ENOX1: variants seen among roughly 807,000 people sequenced by gnomAD.
ENOX1 encodes candidate growth-related and time keeping constitutive hydroquinone (NADH) oxidase.
A neutral mutation model predicts 82.5 loss-of-function variants in ENOX1; 42 were observed. The ratio of observed to expected loss-of-function variants is 0.51; its 90% CI spans 0.40 to 0.66. The LOEUF is 0.66. ENOX1 is among the 30% of genes least tolerant of loss of function. The probability of loss-of-function intolerance (pLI) is 0.00; values close to 1 mark genes in which losing one functional copy is unlikely to be tolerated. For missense variants in ENOX1, 608 were observed against 811.6 expected, an observed-to-expected ratio of 0.75 and a Z score of 3.05; for synonymous variants, 271 against 282.2, an observed-to-expected ratio of 0.96 and a Z score of 0.40.
chr13:43,740,090 G>T (rs976052423), intron 1 of ENOX1, among the ~76,000 whole-genome samples: 7 of 152,166 alleles, frequency 4.6e-5, no homozygotes, highest in Non-Finnish European at 1.0e-4. Context: ...CTCCCACATT[G>T]TTGGAAGGTC....
intron 2 of ENOX1, among the ~76,000 whole-genome samples, chr13:43,574,915 A>AT (rs1280167806): frequency 2.0e-5 from 3 of 152,202 alleles, no homozygotes; most frequent in Non-Finnish European, 4.4e-5. Context: ...ACCAAATGTC[A>AT]TGCCTCTTCT....
intron 14 of ENOX1, among the ~76,000 whole-genome samples, chr13:43,251,853 G>A (rs530743331): frequency 6.6e-6 from 1 of 152,200 alleles, no homozygotes; most frequent in East Asian, 1.9e-4. Flanking sequence ...TTTTCACCAA[G>A]GGGACTAGTT....
chr13:43,607,178 C>T (rs1453726996), intron 2 of ENOX1, among the ~76,000 whole-genome samples: 1 of 152,032 alleles, frequency 6.6e-6, no homozygotes, highest in Non-Finnish European at 1.5e-5. Context: ...GATTATTATG[C>T]ATTGTATGCA....
intron 5 of ENOX1, among the ~76,000 whole-genome samples, chr13:43,364,369 C>T (rs893388007): frequency 2.0e-5 from 3 of 152,150 alleles, no homozygotes; most frequent in African/African-American, 2.4e-5. Flanking sequence ...AATCCAATTA[C>T]GTATACAGTA....
chr13:43,266,849 T>C (rs2044400962), intron 13 of ENOX1, among the ~76,000 whole-genome samples: 2 of 152,110 alleles, frequency 1.3e-5, no homozygotes, highest in African/African-American at 4.8e-5. Flanking sequence ...TGAGTTCGAG[T>C]GGGGTTAGCT....
chr13:43,450,438 T>C (rs560696937), intron 3 of ENOX1, among the ~76,000 whole-genome samples: 3 of 152,038 alleles, frequency 2.0e-5, no homozygotes, highest in African/African-American at 7.2e-5. Context: ...AGAGGATAGT[T>C]TGTCACAGTT....
intron 5 of ENOX1, among the ~76,000 whole-genome samples, chr13:43,382,262 C>T (rs1007681483): frequency 2.0e-5 from 3 of 152,200 alleles, no homozygotes; most frequent in East Asian, 1.9e-4. Context: ...CACACACACA[C>T]GATCATCTCA....
intron 12 of ENOX1, among the ~76,000 whole-genome samples, chr13:43,284,590 C>A (rs573647009): frequency 6.6e-6 from 1 of 152,032 alleles, no homozygotes; most frequent in African/African-American, 2.4e-5. Context: ...ATTAAGAGAA[C>A]AAAAGGAAGA....
intron 5 of ENOX1, among the ~76,000 whole-genome samples, chr13:43,390,196 T>C (rs2052686096): frequency 6.6e-6 from 1 of 152,144 alleles, no homozygotes; most frequent in South Asian, 2.1e-4. Context: ...AATCAATTAA[T>C]TAGCTAAAGT....
At chr13:43,436,635 C>G (rs1042904538) in intron 3 of ENOX1, among the ~76,000 whole-genome samples, 1 of 151,974 alleles carries the variant, frequency 6.6e-6, no homozygotes, top group Non-Finnish European at 1.5e-5. Context: ...AAGTCAATAA[C>G]AATATGAAGA....
chr13:43,391,546 T>C (rs2052775550), intron 5 of ENOX1, among the ~76,000 whole-genome samples: 1 of 152,206 alleles, frequency 6.6e-6, no homozygotes, highest in African/African-American at 2.4e-5. Context: ...TATTTGTTCC[T>C]CCTGTGTTTC....
At chr13:43,275,939 C>G (rs1424714109) in intron 12 of ENOX1, among the ~76,000 whole-genome samples, 1 of 152,144 alleles carries the variant, frequency 6.6e-6, no homozygotes, top group Non-Finnish European at 1.5e-5. Context: ...AGAATGAGCT[C>G]AGGGGATCCA....
At chr13:43,598,588 A>G (rs1023592736) in intron 2 of ENOX1, among the ~76,000 whole-genome samples, 1 of 152,042 alleles carries the variant, frequency 6.6e-6, no homozygotes, top group Admixed American at 6.5e-5. Flanking sequence ...AGTGCCCTCC[A>G]GTCTCTGCAC....
At chr13:43,770,826 TGCAACAACA>T (rs1951552384) in intron 1 of ENOX1, among the ~76,000 whole-genome samples, 1 of 150,048 alleles carries the variant, frequency 6.7e-6, no homozygotes, top group Non-Finnish European at 1.5e-5. Context: ...TTTACCCGGG[TGCAACAACA>T]GCATTTTTGT....
intron 2 of ENOX1, among the ~76,000 whole-genome samples, chr13:43,498,017 C>T (rs1031083903): frequency 9.2e-5 from 14 of 152,084 alleles, no homozygotes; most frequent in African/African-American, 3.4e-4. Context: ...CTTATGGCTT[C>T]TCATACCCTA....
At chr13:43,483,118 A>G (rs930465897) in intron 3 of ENOX1, among the ~76,000 whole-genome samples, 2 of 151,912 alleles carry the variant, frequency 1.3e-5, no homozygotes, top group Non-Finnish European at 1.5e-5. Flanking sequence ...TGGACAGAAT[A>G]AAAGTACCAC....
intron 1 of ENOX1, among the ~76,000 whole-genome samples, chr13:43,717,188 A>G (rs2088205111): frequency 6.6e-6 from 1 of 152,232 alleles, no homozygotes; most frequent in South Asian, 2.1e-4. Flanking sequence ...TGGTACAAAA[A>G]AAGATACACA....
chr13:43,610,980 TAGAG>T (rs1170293911), intron 2 of ENOX1, among the ~76,000 whole-genome samples: 1 of 152,170 alleles, frequency 6.6e-6, no homozygotes. Flanking sequence ...AAATATTCAA[TAGAG>T]AGAGTTCAGG....
intron 1 of ENOX1, among the ~76,000 whole-genome samples, chr13:43,691,763 C>T (rs1368483776): frequency 2.0e-5 from 3 of 150,840 alleles, no homozygotes; most frequent in Non-Finnish European, 4.4e-5. Context: ...GGCAGTGGCG[C>T]GATCTTGGCT....
Sources: gnomAD v4.1 joint callset for allele counts (sites outside exome capture counted in the v4.1 genomes callset) on GRCh38, gnomAD v4.1.1 for gene constraint, MANE v1.5 for transcripts, NCBI Gene and HGNC (gene_info 2026-07-23, HGNC 2026-07-21) for gene names.